FGD6: variants seen among roughly 807,000 people sequenced by gnomAD.
FGD6 encodes FYVE, RhoGEF and PH domain-containing protein 6.
A neutral mutation model predicts 149.4 loss-of-function variants in FGD6; 90 were observed. The ratio of observed to expected loss-of-function variants is 0.60; its 90% CI spans 0.51 to 0.72. FGD6 has a LOEUF of 0.72. FGD6 is among the 30% of genes least tolerant of loss of function. FGD6 has a pLI of 0.00. For missense variants in FGD6, 1,437 were observed against 1,684.8 expected (o/e 0.85, Z 2.57); for synonymous variants, 527 against 584.0 (o/e 0.90, Z 1.41).
At chr12:95,203,037 T>C (rs77970880) in intron 2 of FGD6, among the ~76,000 whole-genome samples, 10,015 of 152,184 alleles carry the variant, frequency 0.066, 439 homozygotes, top group Middle Eastern at 0.12. Context: ...AATCCAACAA[T>C]ACCATGAGGT....
intron 1 of FGD6, 92 bp downstream of exon 1, chr12:95,217,133 C>A (rs984123823): frequency 2.4e-5 from 37 of 1,572,994 alleles, no homozygotes; most frequent in Non-Finnish European, 2.8e-5. Context: ...GCACACAACT[C>A]GCCCACCCCG....
intron 16 of FGD6, 108 bp downstream of exon 16, chr12:95,092,591 T>C: frequency 8.9e-7 from 1 of 1,128,006 alleles, no homozygotes; most frequent in Admixed American, 2.6e-5. Context: ...ATAATAGTTA[T>C]TGTTATTCTT....
Position 95,088,189 on chromosome 12 carries a change from G to A in FGD6, c.3978+1380C>T, listed in dbSNP as rs139278226. Among the ~76,000 whole-genome samples the A allele has an allele frequency of 7.1e-3, 1,084 of 152,186 alleles. 12 individuals carry two copies. Among genetic ancestry groups the A allele is most frequent in the African/African-American group, 0.023 (968 of 41,534 alleles). ...TGTTCACCAACTTAATCACCTAACT[G>A]ATCCACAAAACATGTCTTCCAATGA... On this transcript the variant is annotated intron_variant, in intron 18 of 20. Transcript: ENST00000343958.
At chr12:95,152,744 T>C (rs1053636527) in intron 5 of FGD6, 67 bp downstream of exon 5, 3 of 1,445,770 alleles carry the variant, frequency 2.1e-6, no homozygotes, top group African/African-American at 1.4e-5. Context: ...GCTGAAAACT[T>C]CTAGGGGTAG....
intron 8 of FGD6, among the ~76,000 whole-genome samples, chr12:95,122,777 C>A (rs1352444947): frequency 6.6e-6 from 1 of 151,196 alleles, no homozygotes; most frequent in Admixed American, 6.6e-5. Flanking sequence ...TGGTGCTTGC[C>A]TAAGTTAGAA....
chr12:95,172,419 T>C (rs1881020289), intron 3 of FGD6, among the ~76,000 whole-genome samples, 181 bp downstream of exon 3: 1 of 152,204 alleles, frequency 6.6e-6, no homozygotes, highest in South Asian at 2.1e-4. Context: ...CTCTAAGTGA[T>C]ACATACTTGG....
intron 8 of FGD6, among the ~76,000 whole-genome samples, chr12:95,131,465 A>G (rs1879517987): frequency 6.6e-6 from 1 of 152,140 alleles, no homozygotes; most frequent in African/African-American, 2.4e-5. Flanking sequence ...CAGCTTCAAC[A>G]TATCCAAAAC....
At chr12:95,130,601 G>A (rs781251126) in intron 8 of FGD6, among the ~76,000 whole-genome samples, 2 of 152,092 alleles carry the variant, frequency 1.3e-5, no homozygotes, top group Non-Finnish European at 2.9e-5. Flanking sequence ...ATCTCAGACT[G>A]GGCCCAGTGG....
At chr12:95,200,411 G>A (rs1272192120) in intron 2 of FGD6, among the ~76,000 whole-genome samples, 1 of 152,110 alleles carries the variant, frequency 6.6e-6, no homozygotes, top group African/African-American at 2.4e-5. Context: ...ATAAATGGGA[G>A]AGTCTGGTAA....
At chr12:95,149,249 G>GCATATATATTATATATTATATTA (rs1880194196) in intron 5 of FGD6, among the ~76,000 whole-genome samples, 1 of 10,948 alleles carries the variant, frequency 9.1e-5, no homozygotes, top group Admixed American at 2.6e-3. Context: ...ATAATATATA[G>GCATATATATTATATATTATATTA]CATATATATT....
At chr12:95,143,793 ATAGT>A (rs1879928768) in intron 5 of FGD6, among the ~76,000 whole-genome samples, 1 of 152,228 alleles carries the variant, frequency 6.6e-6, no homozygotes. Flanking sequence ...TCAAAGCAGA[ATAGT>A]TAAACATCCT....
intron 3 of FGD6, among the ~76,000 whole-genome samples, chr12:95,162,839 T>C (rs1880686992): frequency 6.6e-6 from 1 of 152,188 alleles, no homozygotes; most frequent in Admixed American, 6.5e-5. Flanking sequence ...TCACCTTTTA[T>C]TATTACAACT....
At chr12:95,184,530 C>CT (rs1009684965) in intron 2 of FGD6, among the ~76,000 whole-genome samples, 3 of 151,964 alleles carry the variant, frequency 2.0e-5, no homozygotes, top group African/African-American at 7.3e-5. Flanking sequence ...AGACAGCACC[C>CT]TGGGGAAGCT....
At position 95,210,394 on chromosome 12, in the gene FGD6, T is replaced by C. The variant is rs1387353239; in HGVS notation, c.890A>G (p.Asp297Gly). Residue 297 changes from aspartate to glycine, a missense_variant, in exon 2 of 21, where the codon GAC becomes GGC. Around this residue, in one of 2 missense-constraint regions of FGD6, gnomAD observed 1,055 missense variants for 1,146.0 expected, o/e 0.92. Coordinates refer to ENST00000343958, the MANE Select transcript of FGD6 (RefSeq NM_018351.4). ...TAAATGAATTTCTAAGGGACCAAGG[T>C]CTTTGACTTCTGATTTCTTACTAAC... ...DGVSKKSEVK[D>G]LGPLEIHLVP... The C allele has an allele frequency of 1.2e-6, 2 of 1,613,712 alleles. No homozygotes were observed. Among genetic ancestry groups the C allele is most frequent in the African/African-American group, 1.3e-5 (1 of 74,872 alleles).
intron 5 of FGD6, among the ~76,000 whole-genome samples, chr12:95,149,373 A>G (rs1295300072): frequency 2.5e-5 from 3 of 118,080 alleles, no homozygotes; most frequent in East Asian, 2.2e-4. Context: ...TATATATAGC[A>G]CATATTTTAT....
At chr12:95,185,593 T>C (rs1252484032) in intron 2 of FGD6, among the ~76,000 whole-genome samples, 4 of 152,208 alleles carry the variant, frequency 2.6e-5, no homozygotes, top group Non-Finnish European at 5.9e-5. Flanking sequence ...CCGGGCGCAG[T>C]GGCTTACGCC....
At chr12:95,138,680 A>G (rs1050346636) in intron 6 of FGD6, among the ~76,000 whole-genome samples, 1 of 152,076 alleles carries the variant, frequency 6.6e-6, no homozygotes, top group African/African-American at 2.4e-5. Context: ...CTTTGGAGAC[A>G]TGGAATTCAT....
At chr12:95,180,683 C>T (rs1166777442) in intron 2 of FGD6, among the ~76,000 whole-genome samples, 1 of 152,050 alleles carries the variant, frequency 6.6e-6, no homozygotes, top group Non-Finnish European at 1.5e-5. Context: ...AGCCACCACT[C>T]CTGGCTGAGA....
rs79415743 is a variant in FGD6 at position 95,081,575 on chromosome 12, G to A, written c.4257-19C>T. The A allele has an allele frequency of 1.4e-3, 2,275 of 1,589,902 alleles. 36 individuals are homozygous for A. The African/African-American group carries it at 0.027, about 19-fold the overall frequency. On this transcript the variant is annotated intron_variant, in intron 20 of 20. Transcript: ENST00000343958. ...TATCCACCTATTGATAAGAGAAATC[G>A]GTTAGATTTGTAAAACCTAATCATC...
Sources: allele counts gnomAD v4.1 joint callset (sites outside exome capture counted in the v4.1 genomes callset), GRCh38; gene constraint gnomAD v4.1.1; regional missense constraint gnomAD v4.1.1; transcripts MANE v1.5; gene names NCBI Gene and HGNC (gene_info 2026-07-23, HGNC 2026-07-21).